Variants in CTBP2 observed in about 807,000 individuals in gnomAD.
CTBP2 encodes the protein C-terminal binding protein 2.
A neutral mutation model predicts 80.3 loss-of-function variants in CTBP2; 30 were observed. The ratio of observed to expected loss-of-function variants is 0.37; its 90% CI spans 0.28 to 0.51. CTBP2 has a LOEUF of 0.51. Ranked by LOEUF, CTBP2 falls within the 20% of genes least tolerant of loss-of-function variation. The pLI is 0.93. For synonymous variants in CTBP2, 594 were observed against 587.4 expected (o/e 1.01, Z -0.16); for missense variants, 1,212 against 1,375.3 (o/e 0.88, Z 1.88).
At chr10:125,009,051 T>A (rs760355050) in intron 1 of CTBP2, among the ~76,000 whole-genome samples, 9 of 152,228 alleles carry the variant, frequency 5.9e-5, no homozygotes, top group Non-Finnish European at 8.8e-5. Flanking sequence ...GTGAGGTCCC[T>A]TTCCAGCCAA....
intron 2 of CTBP2, among the ~76,000 whole-genome samples, chr10:125,110,740 A>G (rs1450117210): frequency 6.6e-6 from 1 of 152,186 alleles, no homozygotes; most frequent in Non-Finnish European, 1.5e-5. Context: ...CTATAGCAGC[A>G]GCAGCAGCAA....
At chr10:125,115,453 G>A (rs1853083916) in intron 1 of CTBP2, among the ~76,000 whole-genome samples, 2 of 152,184 alleles carry the variant, frequency 1.3e-5, no homozygotes, top group African/African-American at 2.4e-5. Context: ...TTAATCCCAA[G>A]TTCCGCAGGC....
chr10:125,056,001 C>A (rs1388435925), intron 2 of CTBP2, among the ~76,000 whole-genome samples: 1 of 151,906 alleles, frequency 6.6e-6, no homozygotes, highest in African/African-American at 2.4e-5. Flanking sequence ...CCCGTGTGTA[C>A]TAAAAATACA....
intron 2 of CTBP2, among the ~76,000 whole-genome samples, chr10:125,090,488 C>T (rs371310836): frequency 2.0e-5 from 3 of 149,322 alleles, no homozygotes; most frequent in African/African-American, 7.4e-5. Flanking sequence ...GGAGGGCCAG[C>T]GTGGTGGCTC....
At chr10:125,134,586 G>A (rs1591000207) in intron 1 of CTBP2, among the ~76,000 whole-genome samples, 2 of 152,254 alleles carry the variant, frequency 1.3e-5, no homozygotes, top group Non-Finnish European at 1.5e-5. Flanking sequence ...AGGACCAATC[G>A]AAGCCCACAA....
In CTBP2 at chr10:125,048,455, C is replaced by T. The variant is rs544070635; in HGVS notation, c.-101-9300G>A. Among the ~76,000 whole-genome samples, 18 of 152,326 alleles carry T rather than the reference C, an allele frequency of 1.2e-4. No individual in the cohort carries two copies. The South Asian group carries it at 3.7e-3, about 32-fold the overall frequency. ...GATGTGAAAGAGGCAGAAGGTCTCA[C>T]CGTTCCAGCAGCAGATGCTTCGTTT... On this transcript the variant is annotated intron_variant, in intron 2 of 10. Transcript: ENST00000337195.
At chr10:125,017,361 T>A (rs1367098324) in intron 1 of CTBP2, among the ~76,000 whole-genome samples, 2 of 152,208 alleles carry the variant, frequency 1.3e-5, no homozygotes, top group Non-Finnish European at 2.9e-5. Context: ...AACGGGTTCA[T>A]CGGTCCCATC....
chr10:125,159,794 T>G (rs1861623543), intron 1 of CTBP2: 1 of 149,604 alleles, frequency 6.7e-6, no homozygotes, highest in African/African-American at 2.4e-5. Context: ...TCCGGCCGTA[T>G]TGTCCCCGCG....
chr10:125,046,057 A>G (rs1410755247), intron 2 of CTBP2, among the ~76,000 whole-genome samples: 1 of 152,138 alleles, frequency 6.6e-6, no homozygotes, highest in East Asian at 1.9e-4. Context: ...AGAATTCACA[A>G]GTGCTTGGGT....
rs765009622 is a variant in CTBP2 at position 125,026,622 on chromosome 10, G to A, written c.1138C>T (p.His380Tyr). Residue 380 changes from histidine (H) to tyrosine (Y), a missense_variant, in exon 1 of 9, where the codon CAT becomes TAT. Physicochemically the swap from His to Tyr is moderately conservative, Grantham distance 83 (BLOSUM62 2). Transcript: ENST00000309035. ...GCGCCCAGAGAAGCCAAGTCACCAT[G>A]GAGCAGTTCGCTTCGGTGGCTGAAG... 6.9e-7 allele frequency: 1 copy of A among 1,455,994 alleles called. No individual in the cohort carries two copies. Among genetic ancestry groups the A allele is most frequent in the South Asian group, 1.2e-5 (1 of 84,762 alleles). 90.2% of individuals were successfully genotyped at this position (1,455,994 alleles called of 1,614,324 possible). A position where few individuals can be genotyped will look rare whatever the true frequency, so the allele number is the denominator to read the frequency against.
intron 2 of CTBP2, among the ~76,000 whole-genome samples, chr10:125,075,732 G>A (rs1241925994): frequency 6.6e-6 from 1 of 152,206 alleles, no homozygotes; most frequent in Non-Finnish European, 1.5e-5. Flanking sequence ...AGATTAAAAC[G>A]TGCTGAGGTT....
intron 1 of CTBP2, among the ~76,000 whole-genome samples, chr10:125,133,835 T>C (rs924989983): frequency 2.6e-5 from 4 of 152,222 alleles, no homozygotes; most frequent in African/African-American, 9.7e-5. Flanking sequence ...CTGTGAGCTC[T>C]TTAGGGACAG....
intron 2 of CTBP2, among the ~76,000 whole-genome samples, chr10:125,073,096 T>C (rs543995806): frequency 6.6e-6 from 1 of 152,368 alleles, no homozygotes; most frequent in Admixed American, 6.5e-5. Context: ...AGTCTTCAGA[T>C]GTGGCCCTGC....
chr10:125,106,814 A>AAC (rs1359141901), intron 2 of CTBP2, among the ~76,000 whole-genome samples: 1 of 152,250 alleles, frequency 6.6e-6, no homozygotes, highest in African/African-American at 2.4e-5. Context: ...CTCTGATGAG[A>AAC]ACCAGCAGCC....
chr10:125,058,799 C>A (rs182807749), intron 2 of CTBP2, among the ~76,000 whole-genome samples: 96 of 152,278 alleles, frequency 6.3e-4, no homozygotes, highest in African/African-American at 2.2e-3. Flanking sequence ...GACGCTGAGG[C>A]AGAAGAATCA....
Position 125,027,484 on chromosome 10 carries a change from G to A in CTBP2, c.276C>T (p.Tyr92=), listed in dbSNP as rs765891634. The change falls in exon 1 of 9, where the codon TAC becomes TAT. Residue 92 remains tyrosine, a synonymous_variant. Transcript: ENST00000309035. ...CAGACATCACTGCCTGTCTGCTGTC[G>A]TAGAAGGTGAAGTCAGGAGTAGACC... 42 of 1,614,034 alleles carry A rather than the reference G, an allele frequency of 2.6e-5. No homozygotes were observed. Among genetic ancestry groups the A allele is most frequent in the South Asian group, 1.9e-4 (17 of 91,090 alleles).
intron 1 of CTBP2, among the ~76,000 whole-genome samples, chr10:125,126,659 A>G (rs920076365): frequency 1.3e-5 from 2 of 152,252 alleles, no homozygotes; most frequent in African/African-American, 4.8e-5. Context: ...TCGGCCCCAG[A>G]GAAGCTACTA....
At chr10:125,034,656 C>CT (rs1167151969) in intron 3 of CTBP2, among the ~76,000 whole-genome samples, 3 of 152,204 alleles carry the variant, frequency 2.0e-5, no homozygotes, top group Non-Finnish European at 4.4e-5. Flanking sequence ...GGCTTCAACT[C>CT]TGTTTCTTTA....
rs1384478461 is a variant in CTBP2 at position 124,984,935 on chromosome 10, C to A, written c.*4583G>T. 6.2e-7 allele frequency: 1 copy of A among 1,613,794 alleles called. No individual in the cohort carries two copies. The highest frequency in any genetic ancestry group is 8.5e-7 in the Non-Finnish European group (1 of 1,179,964). On this transcript the variant is annotated 3_prime_UTR_variant, in exon 9 of 9. Transcript: ENST00000309035. ...AATGGCTTGACCGCTACCGACAGAT[C>A]CGGCCGTGTACATCCCTGTCTGATG...
Sources: gnomAD v4.1 joint callset for allele counts (sites outside exome capture counted in the v4.1 genomes callset) on GRCh38, gnomAD v4.1.1 for gene constraint, MANE v1.5 for transcripts, NCBI Gene and HGNC (gene_info 2026-07-23, HGNC 2026-07-21) for gene names.